The following RHBDL2 variants were observed in gnomAD, a reference collection of about 807,000 sequenced individuals.
RHBDL2 encodes rhomboid like 2, also known as rhomboid-related protein 2.
In RHBDL2, 26 loss-of-function variants were observed where a neutral mutation model predicts 31.7. The ratio of observed to expected loss-of-function variants is 0.82; its 90% CI spans 0.60 to 1.14. RHBDL2 has a LOEUF of 1.14. Among genes scored for constraint, RHBDL2 ranks in the 50% most tolerant of loss-of-function variants. The pLI, the probability that RHBDL2 is intolerant of heterozygous loss-of-function variation, is 0.00. For synonymous variants in RHBDL2, 123 were observed against 127.2 expected (o/e 0.97, Z 0.22); for missense variants, 336 against 364.4 (o/e 0.92, Z 0.63).
At chr1:38,939,183 G>A (rs1448124346) in intron 1 of RHBDL2, among the ~76,000 whole-genome samples, 1 of 152,180 alleles carries the variant, frequency 6.6e-6, no homozygotes, top group African/African-American at 2.4e-5. Context: ...AGATCTACAG[G>A]AAGTGAAAGG....
At chr1:38,918,280 C>CT (rs1453006701) in intron 2 of RHBDL2, among the ~76,000 whole-genome samples, 7 of 152,172 alleles carry the variant, frequency 4.6e-5, no homozygotes, top group African/African-American at 1.7e-4. Flanking sequence ...ACATTAGGAA[C>CT]TTCCTAATGC....
chr1:38,926,200 G>C, intron 1 of RHBDL2: 3 of 1,093,428 alleles, frequency 2.7e-6, no homozygotes, highest in Non-Finnish European at 3.4e-6. Flanking sequence ...GGTGAGGATG[G>C]AAAAAATTCT....
At chr1:38,919,378 T>C in intron 1 of RHBDL2, 41 bp from the exon 2 acceptor site, 1 of 1,508,396 alleles carries the variant, frequency 6.6e-7, no homozygotes, top group African/African-American at 1.4e-5. Context: ...ATCAAAATGA[T>C]CTAAACCTCC....
Position 38,915,859 on chromosome 1 carries a change from A to G in RHBDL2, c.247-149T>C, listed in dbSNP as rs907052762. On this transcript the variant is annotated intron_variant, in intron 2 of 7. Coordinates refer to ENST00000372990, the MANE Select transcript of RHBDL2 (RefSeq NM_017821.5). The stretch of plus-strand genomic sequence containing the variant: ...AAGGTGACATGAAATACACTTCTTC[A>G]CCATCCCCTCTGTGATGGTTTCCAC... 6 of 688,860 alleles carry G rather than the reference A, an allele frequency of 8.7e-6. No individual in the cohort carries two copies. In the African/African-American group the frequency reaches 8.9e-5, roughly 10 times the overall value. 42.7% of individuals were successfully genotyped at this position (688,860 alleles called of 1,614,324 possible). A position where few individuals can be genotyped will look rare whatever the true frequency, so the allele number is the denominator to read the frequency against.
intron 3 of RHBDL2, among the ~76,000 whole-genome samples, 168 bp from the exon 4 acceptor site, chr1:38,911,602 CTGTGTGTGTGTGTGTG>C (rs56978792): frequency 0.062 from 8,888 of 142,262 alleles, 366 homozygotes; most frequent in Non-Finnish European, 0.089. Flanking sequence ...TTTCTTTTTT[CTGTGTGTGTGTGTGTG>C]TGTGTGTGTG....
intron 4 of RHBDL2, among the ~76,000 whole-genome samples, chr1:38,902,201 CTTTT>C (rs770169792): frequency 5.3e-4 from 49 of 92,812 alleles, no homozygotes; most frequent in Non-Finnish European, 7.6e-4. Context: ...TTTTCTTTTT[CTTTT>C]TTTTTTTTTT....
At chr1:38,900,256 C>T (rs1230432561) in intron 4 of RHBDL2, among the ~76,000 whole-genome samples, 1 of 152,110 alleles carries the variant, frequency 6.6e-6, no homozygotes, top group African/African-American at 2.4e-5. Flanking sequence ...CCCTTCTCTA[C>T]TAAAAATACA....
chr1:38,894,563 C>T (rs756033787), intron 5 of RHBDL2, among the ~76,000 whole-genome samples: 5 of 151,686 alleles, frequency 3.3e-5, no homozygotes, highest in African/African-American at 9.7e-5. Context: ...CCTTGTGATC[C>T]GCCCACCTCA....
intron 1 of RHBDL2, among the ~76,000 whole-genome samples, chr1:38,921,712 A>G (rs1643318173): frequency 6.6e-6 from 1 of 151,928 alleles, no homozygotes; most frequent in Admixed American, 6.6e-5. Context: ...CCACCCACTC[A>G]CCCGCCTCCC....
At chr1:38,913,946 G>A (rs963686603) in intron 3 of RHBDL2, among the ~76,000 whole-genome samples, 9 of 151,918 alleles carry the variant, frequency 5.9e-5, no homozygotes, top group East Asian at 1.9e-4. Context: ...GTGAAACCCC[G>A]TCTCTACTAA....
intron 3 of RHBDL2, among the ~76,000 whole-genome samples, chr1:38,914,295 G>T (rs535383115): frequency 2.0e-5 from 3 of 152,102 alleles, no homozygotes; most frequent in Middle Eastern, 3.4e-3. Context: ...ACTCTAGAAT[G>T]CAGTGGCGCG....
At chr1:38,889,379 G>A (rs1332142193) in intron 6 of RHBDL2, among the ~76,000 whole-genome samples, 2 of 152,168 alleles carry the variant, frequency 1.3e-5, no homozygotes, top group Non-Finnish European at 2.9e-5. Context: ...TGGGATTACA[G>A]GCTTGAGCAA....
At chr1:38,891,873 G>A (rs1642859498) in intron 6 of RHBDL2, among the ~76,000 whole-genome samples, 1 of 152,098 alleles carries the variant, frequency 6.6e-6, no homozygotes, top group African/African-American at 2.4e-5. Flanking sequence ...CCTCTGCCTT[G>A]GCTTTCAGGT....
intron 1 of RHBDL2, among the ~76,000 whole-genome samples, chr1:38,929,794 C>G (rs1184530826): frequency 6.6e-6 from 1 of 152,142 alleles, no homozygotes; most frequent in East Asian, 1.9e-4. Flanking sequence ...CACTGCAAAC[C>G]ATCATTATGC....
chr1:38,919,665 A>G, intron 1 of RHBDL2, among the ~76,000 whole-genome samples: 1 of 150,980 alleles, frequency 6.6e-6, no homozygotes, highest in Non-Finnish European at 1.5e-5. Context: ...CTGGAGTGCA[A>G]TGGCGAGATC....
intron 4 of RHBDL2, among the ~76,000 whole-genome samples, chr1:38,908,557 C>G (rs1333627254): frequency 6.6e-6 from 1 of 150,744 alleles, no homozygotes; most frequent in Non-Finnish European, 1.5e-5. Flanking sequence ...TATATCACTA[C>G]CCACTTAGGA....
At chr1:38,932,321 C>A (rs983354114) in intron 1 of RHBDL2, among the ~76,000 whole-genome samples, 1 of 152,174 alleles carries the variant, frequency 6.6e-6, no homozygotes, top group Non-Finnish European at 1.5e-5. Context: ...CTTGACCTAC[C>A]AGCCCAGCTC....
intron 4 of RHBDL2, among the ~76,000 whole-genome samples, chr1:38,909,647 C>T (rs1028469554): frequency 6.6e-6 from 1 of 151,826 alleles, no homozygotes; most frequent in Admixed American, 6.6e-5. Flanking sequence ...GAGGCTGAGG[C>T]GGGAGAATCA....
intron 4 of RHBDL2, among the ~76,000 whole-genome samples, chr1:38,896,905 AG>A (rs1642925210): frequency 6.6e-6 from 1 of 152,018 alleles, no homozygotes; most frequent in Admixed American, 6.6e-5. Flanking sequence ...ATTTTGTGCA[AG>A]AAAAAGTGTC....
Sources: allele counts gnomAD v4.1 joint callset (sites outside exome capture counted in the v4.1 genomes callset), GRCh38; gene constraint gnomAD v4.1.1; transcripts MANE v1.5; gene names NCBI Gene and HGNC (gene_info 2026-07-23, HGNC 2026-07-21).